Variants in DGKB observed in about 807,000 individuals in gnomAD.
DGKB encodes diacylglycerol kinase beta, also known as 90 kDa diacylglycerol kinase.
In DGKB, 67 loss-of-function variants were observed where a neutral mutation model predicts 114.3. The observed-to-expected ratio is 0.59, with a 90% CI of 0.48 to 0.72. The LOEUF (loss-of-function observed/expected upper bound fraction) is 0.72, where lower values mean the gene tolerates loss of function less well. Ranked by LOEUF, DGKB falls within the 30% of genes least tolerant of loss-of-function variation. The pLI is 0.00. For missense variants in DGKB, 907 were observed against 975.2 expected (o/e 0.93, Z 0.93); for synonymous variants, 398 against 323.1 (o/e 1.23, Z -2.49).
intron 1 of DGKB, among the ~76,000 whole-genome samples, chr7:14,880,363 T>C (rs551696619): frequency 3.5e-4 from 53 of 152,008 alleles, no homozygotes; most frequent in African/African-American, 1.2e-3. Flanking sequence ...GAGGCTGAGG[T>C]AGAAGAATTG....
Position 14,530,462 on chromosome 7 carries a change from C to T in DGKB, c.1770+43750G>A, listed in dbSNP as rs117163319. On this transcript the variant is annotated intron_variant, in intron 20 of 25. Coordinates refer to ENST00000402815, the MANE Select transcript of DGKB (RefSeq NM_001350709.2). Reference sequence around the variant, plus strand: ...ATTGACCTATAAATAGTTTTACATGCCTCCCTTGATTTCTTCTTAACTTAT... The same window carrying T: ...ATTGACCTATAAATAGTTTTACATGTCTCCCTTGATTTCTTCTTAACTTAT... Among the ~76,000 whole-genome samples, 167 of 151,536 alleles carry T rather than the reference C, an allele frequency of 1.1e-3. 3 individuals are homozygous for T. The East Asian group carries it at 0.03, about 27-fold the overall frequency.
At chr7:14,675,182 CTTGA>C (rs1456803321) in intron 12 of DGKB, among the ~76,000 whole-genome samples, 1 of 152,064 alleles carries the variant, frequency 6.6e-6, no homozygotes, top group African/African-American at 2.4e-5. Flanking sequence ...AAATATTATT[CTTGA>C]TTACAGTGTA....
At chr7:14,677,560 G>A (rs1184374381) in intron 12 of DGKB, among the ~76,000 whole-genome samples, 1 of 151,860 alleles carries the variant, frequency 6.6e-6, no homozygotes, top group South Asian at 2.1e-4. Flanking sequence ...TATGAAATAG[G>A]TGTTATTTTT....
intron 21 of DGKB, among the ~76,000 whole-genome samples, chr7:14,428,918 A>C (rs190813881): frequency 6.6e-6 from 1 of 152,212 alleles, no homozygotes; most frequent in East Asian, 1.9e-4. Context: ...TTTGTAATAT[A>C]AAAAATATAA....
intron 23 of DGKB, among the ~76,000 whole-genome samples, chr7:14,322,091 C>T (rs1190357082): frequency 1.3e-5 from 2 of 152,042 alleles, no homozygotes; most frequent in Admixed American, 6.6e-5. Context: ...ATGAATCGAC[C>T]CATAGGGTAG....
At chr7:14,546,846 T>C (rs1794366024) in intron 20 of DGKB, among the ~76,000 whole-genome samples, 1 of 152,152 alleles carries the variant, frequency 6.6e-6, no homozygotes, top group African/African-American at 2.4e-5. Context: ...TATAGTCTCA[T>C]TTCAGTTTAA....
intron 13 of DGKB, among the ~76,000 whole-genome samples, chr7:14,668,463 T>C (rs1245957334): frequency 1.3e-5 from 2 of 152,118 alleles, no homozygotes; most frequent in African/African-American, 4.8e-5. Flanking sequence ...CACTTCTAAA[T>C]TGCCATGTAC....
intron 1 of DGKB, among the ~76,000 whole-genome samples, chr7:14,857,214 C>G (rs1319822700): frequency 3.3e-5 from 5 of 150,412 alleles, no homozygotes; most frequent in African/African-American, 1.2e-4. Context: ...CTGTCTCTCT[C>G]TCTCTCTCTC....
chr7:14,666,234 T>TATG (rs1301772911), intron 13 of DGKB, among the ~76,000 whole-genome samples: 2 of 151,964 alleles, frequency 1.3e-5, no homozygotes, highest in African/African-American at 2.4e-5. Flanking sequence ...CATATCTTTT[T>TATG]TTGTTAAAAT....
chr7:14,705,651 G>A (rs1826075170), intron 6 of DGKB, among the ~76,000 whole-genome samples: 1 of 149,928 alleles, frequency 6.7e-6, no homozygotes, highest in Non-Finnish European at 1.5e-5. Flanking sequence ...AGAGAGTGGG[G>A]GCCAATATTC....
intron 5 of DGKB, among the ~76,000 whole-genome samples, chr7:14,724,354 T>G (rs1829704947): frequency 6.6e-6 from 1 of 152,206 alleles, no homozygotes; most frequent in African/African-American, 2.4e-5. Flanking sequence ...TAATTATCTT[T>G]CATTCTTTAT....
intron 20 of DGKB, among the ~76,000 whole-genome samples, chr7:14,523,966 T>C (rs1176452101): frequency 6.6e-6 from 1 of 152,160 alleles, no homozygotes; most frequent in South Asian, 2.1e-4. Flanking sequence ...CAATCTGACC[T>C]ATAGACCAGT....
intron 21 of DGKB, among the ~76,000 whole-genome samples, chr7:14,462,582 A>C (rs571483132): frequency 6.6e-6 from 1 of 152,074 alleles, no homozygotes; most frequent in Admixed American, 6.6e-5. Context: ...CTGCTCAGGG[A>C]AATAGGAGAG....
intron 20 of DGKB, among the ~76,000 whole-genome samples, chr7:14,548,923 A>G (rs1794707739): frequency 1.3e-5 from 2 of 152,036 alleles, no homozygotes; most frequent in African/African-American, 4.8e-5. Flanking sequence ...TGCTAAGATC[A>G]GTTCTAGATG....
rs1269394129 is a variant in DGKB at position 14,580,942 on chromosome 7, T to C, written c.1529A>G (p.Asn510Ser). Reference protein sequence around the residue: ...GWVLDCIEKANVGKHPPVAIL... With the variant: ...GWVLDCIEKASVGKHPPVAIL... ...CGCAACTGGAGGATGCTTGCCTACA[T>C]TGGCCTTTTCTGCAGAATAAAAAAA... is the stretch of plus-strand genomic sequence containing the variant. Residue 510 changes from asparagine to serine, a missense_variant, in exon 19 of 26, where the codon AAT becomes AGT. Physicochemically the swap from Asn to Ser is conservative, Grantham distance 46 (BLOSUM62 1). Around this residue, in one of 3 missense-constraint regions of DGKB, gnomAD observed 814 missense variants for 856.6 expected, o/e 0.95. Coordinates refer to ENST00000402815, the MANE Select transcript of DGKB (RefSeq NM_001350709.2). 1.9e-6 allele frequency: 3 copies of C among 1,599,638 alleles called. No homozygotes were observed. The highest frequency in any genetic ancestry group is 2.6e-6 in the Non-Finnish European group (3 of 1,170,710).
intron 17 of DGKB, among the ~76,000 whole-genome samples, chr7:14,594,703 A>G (rs893800132): frequency 7.9e-5 from 12 of 152,166 alleles, no homozygotes; most frequent in Admixed American, 5.2e-4. Context: ...ATTAATAATT[A>G]GAATGAGGTT....
At chr7:14,904,544 G>T (rs996835443), upstream of DGKB, among the ~76,000 whole-genome samples, 2 of 152,106 alleles carry the variant, frequency 1.3e-5, no homozygotes, top group Non-Finnish European at 2.9e-5. Context: ...ACTGCCTTTA[G>T]CTAAACAAAG....
chr7:14,718,785 T>C (rs1402944593), intron 5 of DGKB, 100 bp from the exon 6 acceptor site: 4 of 899,524 alleles, frequency 4.4e-6, no homozygotes, highest in Non-Finnish European at 6.7e-6. Flanking sequence ...ACATAGAAAT[T>C]TATATTTTTT....
intron 23 of DGKB, among the ~76,000 whole-genome samples, chr7:14,228,170 T>C (rs1791125161): frequency 6.6e-6 from 1 of 152,044 alleles, no homozygotes; most frequent in Admixed American, 6.6e-5. Flanking sequence ...TTTCATCATT[T>C]ATTTTTATTT....
Sources: gnomAD v4.1 joint callset for allele counts (sites outside exome capture counted in the v4.1 genomes callset) on GRCh38, gnomAD v4.1.1 for gene constraint, gnomAD v4.1.1 regional missense constraint, MANE v1.5 for transcripts, NCBI Gene and HGNC (gene_info 2026-07-23, HGNC 2026-07-21) for gene names.